The following POLR3A variants were observed in gnomAD, a reference collection of about 807,000 sequenced individuals.
POLR3A encodes the protein RNA polymerase III subunit A.
A neutral mutation model predicts 152.8 loss-of-function variants in POLR3A; 112 were observed. The ratio of observed to expected loss-of-function variants is 0.73; its 90% CI spans 0.63 to 0.86. The LOEUF (loss-of-function observed/expected upper bound fraction) is 0.86, where lower values mean the gene tolerates loss of function less well. Ranked by LOEUF, POLR3A falls within the 40% of genes least tolerant of loss-of-function variation. The pLI is 0.00. For synonymous variants in POLR3A, 615 were observed against 652.1 expected, an observed-to-expected ratio of 0.94 and a Z score of 0.87; for missense variants, 1,385 against 1,743.1, an observed-to-expected ratio of 0.79 and a Z score of 3.66.
At chr10:78,014,440 G>T (rs967805000) in intron 10 of POLR3A, among the ~76,000 whole-genome samples, 14 of 151,450 alleles carry the variant, frequency 9.2e-5, no homozygotes, top group African/African-American at 3.4e-4. Flanking sequence ...TTTTTGAGAC[G>T]TAGTCTCACT....
chr10:77,984,108 A>G, intron 25 of POLR3A, 96 bp from the exon 26 acceptor site: 7 of 1,221,478 alleles, frequency 5.7e-6, no homozygotes, highest in Non-Finnish European at 8.5e-6. Flanking sequence ...AGTAGTGTGG[A>G]CGCCACAGGC....
intron 15 of POLR3A, among the ~76,000 whole-genome samples, chr10:78,006,395 C>CAAAAAAAAAAAAAAAAAAAAAAA (rs36050560): frequency 4.6e-5 from 1 of 21,946 alleles, no homozygotes; most frequent in Non-Finnish European, 1.2e-4. Context: ...GACTCTGTCT[C>CAAAAAAAAAAAAAAAAAAAAAAA]AAAAAAAAAA....
chr10:77,985,278 C>G lies in POLR3A; in HGVS notation c.3134G>C (p.Gly1045Ala), dbSNP rs768166840. Residue 1045 changes from glycine to alanine, a missense_variant, in exon 24 of 31, where the codon GGC becomes GCC. Gly to Ala is a moderately conservative substitution (Grantham distance 60). This residue lies in a region of POLR3A where 22 missense variants were observed against 59.7 expected (regional missense o/e 0.37). Transcript: ENST00000372371. Reference sequence around the variant, plus strand: ...GAAAGTCTTCAGGGTCATCTGGGTGCCTGGCTCACCAATGCTCTGGGCACA... The same window carrying G: ...GAAAGTCTTCAGGGTCATCTGGGTGGCTGGCTCACCAATGCTCTGGGCACA... Reference protein sequence around the residue: ...ALCAQSIGEPGTQMTLKTFHF... With the variant: ...ALCAQSIGEPATQMTLKTFHF... 8 of 1,613,844 alleles carry G rather than the reference C, an allele frequency of 5.0e-6. No individual in the cohort carries two copies. Among genetic ancestry groups the G allele is most frequent in the South Asian group, 1.1e-5 (1 of 91,078 alleles).
intron 30 of POLR3A, among the ~76,000 whole-genome samples, chr10:77,979,375 C>T (rs1269928577): frequency 6.6e-6 from 1 of 152,198 alleles, no homozygotes; most frequent in Non-Finnish European, 1.5e-5. Context: ...CTCTCGAACC[C>T]CAGCCCCTTA....
At chr10:77,982,038 CAAAA>C (rs553149963) in intron 28 of POLR3A, 112 bp downstream of exon 28, 1,209 of 269,362 alleles carry the variant, frequency 4.5e-3, no homozygotes, top group Middle Eastern at 6.0e-3. Flanking sequence ...GACTCCATCT[CAAAA>C]AAAAAAAAAA....
At chr10:78,010,761 G>C (rs1326367787) in intron 11 of POLR3A, among the ~76,000 whole-genome samples, 2 of 152,140 alleles carry the variant, frequency 1.3e-5, no homozygotes, top group African/African-American at 4.8e-5. Flanking sequence ...GATTGACCTA[G>C]GAGGGTCCTA....
intron 21 of POLR3A, 145 bp downstream of exon 21, chr10:77,990,909 T>C (rs1430666834): frequency 1.5e-6 from 1 of 659,642 alleles, no homozygotes; most frequent in Non-Finnish European, 2.8e-6. Context: ...CCACCATGCC[T>C]GGCCCATTCT....
chr10:78,014,874 T>C (rs964315809), intron 10 of POLR3A, among the ~76,000 whole-genome samples: 1 of 152,186 alleles, frequency 6.6e-6, no homozygotes, highest in Admixed American at 6.5e-5. Flanking sequence ...CAAGCGGGTA[T>C]TTTCCATTAT....
At position 77,999,962 on chromosome 10, in the gene POLR3A, CT is replaced by C. The variant is rs1223044721; in HGVS notation, c.2616+18del. ...TCTGTCCTGCTCTGTTGCTAATGGC[CT>C]ACATTTCTTCAGGTTACCTGCATGT... On this transcript the variant is annotated intron_variant, in intron 19 of 30. Coordinates refer to ENST00000372371, the MANE Select transcript of POLR3A (RefSeq NM_007055.4). 1.2e-6 allele frequency: 2 copies of C among 1,613,448 alleles called. No individual in the cohort carries two copies. The highest frequency in any genetic ancestry group is 8.5e-7 in the Non-Finnish European group (1 of 1,179,426).
In POLR3A at chr10:77,986,082, G is replaced by A. The variant is rs2131931448; in HGVS notation, c.2979C>T (p.Gly993=). 1 of 1,594,736 alleles carries A rather than the reference G, an allele frequency of 6.3e-7. No homozygotes were observed. The highest frequency in any genetic ancestry group is 8.6e-7 in the Non-Finnish European group (1 of 1,162,402). ...TRDKYGINDN[G]TTEPRVLYQL... is the part of the protein sequence containing the mutation. ...CTTGGAGGGATATTACCTCTGTTGT[G>A]CCGTTATCATTGATGCCATATTTAT... The change falls in exon 22 of 31, where the codon GGC becomes GGT. Residue 993 remains glycine, a synonymous_variant. Coordinates refer to ENST00000372371, the MANE Select transcript of POLR3A (RefSeq NM_007055.4).
In POLR3A at chr10:78,009,545, T is replaced by C. The variant is rs376651203; in HGVS notation, c.1901A>G (p.Asn634Ser). 2.4e-5 allele frequency: 38 copies of C among 1,614,102 alleles called. No homozygotes were observed. The highest frequency in any genetic ancestry group is 2.0e-4 in the East Asian group (9 of 44,894). ...YCGKGEDLCA[N>S]DSYVTIQNSE... Reference sequence around the variant, plus strand: ...GAGTTCCGTCCACTCACAGGAATCATTGGCACAGAGATCTTCCCCTTTGCC... The same window carrying C: ...GAGTTCCGTCCACTCACAGGAATCACTGGCACAGAGATCTTCCCCTTTGCC... Residue 634 changes from asparagine to serine, a missense_variant, in exon 14 of 31, where the codon AAT becomes AGT. By Grantham distance (46) the Asn-to-Ser change is conservative (BLOSUM62 1). Coordinates refer to ENST00000372371, the MANE Select transcript of POLR3A (RefSeq NM_007055.4).
intron 13 of POLR3A, 61 bp from the exon 14 acceptor site, chr10:78,009,736 T>G (rs1340180127): frequency 6.2e-7 from 1 of 1,613,630 alleles, no homozygotes; most frequent in East Asian, 2.2e-5. Context: ...CCCCCTTCAG[T>G]AGACGAAGCC....
intron 8 of POLR3A, chr10:78,019,609 T>A: frequency 5.7e-6 from 2 of 350,796 alleles, no homozygotes; most frequent in Non-Finnish European, 1.1e-5. Flanking sequence ...AATAACTTAC[T>A]GGGGGCTTGT....
chr10:77,980,446 A>G (rs553232420), intron 29 of POLR3A, among the ~76,000 whole-genome samples, 173 bp from the exon 30 acceptor site: 33 of 152,326 alleles, frequency 2.2e-4, no homozygotes, highest in Admixed American at 1.4e-3. Context: ...GAGGTGGTCA[A>G]TCGTCGGCAA....
intron 8 of POLR3A, among the ~76,000 whole-genome samples, chr10:78,020,334 T>A (rs534404102): frequency 1.9e-3 from 281 of 151,762 alleles, no homozygotes; most frequent in African/African-American, 2.3e-3. Flanking sequence ...AAAATTTTTT[T>A]AAAAAATTAG....
At chr10:78,010,655 G>T in intron 11 of POLR3A, 115 bp from the exon 12 acceptor site, 1 of 785,702 alleles carries the variant, frequency 1.3e-6, no homozygotes. Context: ...GCAGAAGGAC[G>T]AGGCTGAGAA....
chr10:78,027,820 G>A (rs1847651809), intron 1 of POLR3A, among the ~76,000 whole-genome samples: 1 of 152,162 alleles, frequency 6.6e-6, no homozygotes, highest in Non-Finnish European at 1.5e-5. Context: ...GCCTCCCAAA[G>A]TGCTGGGATT....
rs1231847442 is a variant in POLR3A, at chr10:77,984,218, G to A, written c.3323C>T (p.Thr1108Ile). 2 of 1,604,438 alleles carry A rather than the reference G, an allele frequency of 1.2e-6. No individual in the cohort carries two copies. The highest frequency in any genetic ancestry group is 2.2e-5 in the East Asian group (1 of 44,832). ...ARLVKGRIEK[T>I]LLGEISEYIE... ...ATTTCTTCTTACCTCTCCCAAGAGG[G>A]TTTTCTCAATTCTCCCTTTCACGAG... The change falls in exon 25 of 31, where the codon ACC (threonine) becomes ATC (isoleucine). Residue 1108 changes from threonine to isoleucine, a missense_variant. Transcript: ENST00000372371.
chr10:77,996,734 A>C (rs1374261444), intron 19 of POLR3A, among the ~76,000 whole-genome samples: 1 of 152,134 alleles, frequency 6.6e-6, no homozygotes, highest in Non-Finnish European at 1.5e-5. Flanking sequence ...ACCAGAGGTA[A>C]AAAGAGGAGC....
Sources: allele counts gnomAD v4.1 joint callset (sites outside exome capture counted in the v4.1 genomes callset), GRCh38; gene constraint gnomAD v4.1.1; regional missense constraint gnomAD v4.1.1; transcripts MANE v1.5; gene names NCBI Gene and HGNC (gene_info 2026-07-23, HGNC 2026-07-21).